Variants in KLF3 observed in about 807,000 individuals in gnomAD.
KLF3 encodes KLF transcription factor 3, also known as Krueppel-like factor 3.
A neutral mutation model predicts 32.7 loss-of-function variants in KLF3; 6 were observed. That is an observed-to-expected ratio of 0.18 (90% CI 0.10 to 0.36). KLF3 has a LOEUF of 0.36. KLF3 is among the 10% of genes least tolerant of loss of function. The pLI is 1.00. For synonymous variants in KLF3, 145 were observed against 172.8 expected, an observed-to-expected ratio of 0.84 and a Z score of 1.26; for missense variants, 338 against 449.7, an observed-to-expected ratio of 0.75 and a Z score of 2.25.
chr4:38,689,079 C>T lies in KLF3; in HGVS notation c.544+8C>T, dbSNP rs1379793020. On this transcript the variant is annotated splice_region_variant and intron_variant, in intron 3 of 5. Transcript: ENST00000261438. The stretch of plus-strand genomic sequence containing the variant: ...CCAGTAGTAGCATGCAAGGTAAATT[C>T]CGCCACTGCTCCATGCTGCTGCACT... 6.2e-7 allele frequency: 1 copy of T among 1,611,948 alleles called. No homozygotes were observed. The highest frequency in any genetic ancestry group is 8.5e-7 in the Non-Finnish European group (1 of 1,178,230).
At position 38,688,990 on chromosome 4, in the gene KLF3, T is replaced by G; in HGVS notation, c.463T>G (p.Phe155Val). 1.9e-6 allele frequency: 3 copies of G among 1,614,206 alleles called. No individual in the cohort carries two copies. Among genetic ancestry groups the G allele is most frequent in the Non-Finnish European group, 2.5e-6 (3 of 1,180,046 alleles). Residue 155 changes from phenylalanine (F) to valine (V), a missense_variant, in exon 3 of 6, where the codon TTT becomes GTT. Physicochemically the swap from Phe to Val is conservative, Grantham distance 50. Coordinates refer to ENST00000261438, the MANE Select transcript of KLF3 (RefSeq NM_016531.6). The surrounding 1 kb of genome is among the most constrained non-coding windows in gnomAD (Gnocchi z 4.9). ...IQPVVVQPVP[F>V]MYTSHLQQPL... ...GCCGGTGGTGGTGCAGCCCGTCCCC[T>G]TTATGTACACAAGTCACCTCCAGCA...
chr4:38,696,409 GTCTCCCTTCATCCTGGT>G (rs993366419), intron 5 of KLF3, among the ~76,000 whole-genome samples: 32 of 152,114 alleles, frequency 2.1e-4, no homozygotes, highest in Admixed American at 2.0e-3. Context: ...ATTTGTGAGG[GTCTCCCTTCATCCTGGT>G]TCTCCCCATC....
intron 1 of KLF3, among the ~76,000 whole-genome samples, chr4:38,669,154 GAATTAC>G (rs1722128359): frequency 6.6e-6 from 1 of 152,070 alleles, no homozygotes; most frequent in African/African-American, 2.4e-5. Context: ...AAGGTACTAG[GAATTAC>G]AATTACATTA....
intron 1 of KLF3, among the ~76,000 whole-genome samples, chr4:38,678,548 G>A (rs1173848277): frequency 6.6e-6 from 1 of 152,144 alleles, no homozygotes; most frequent in Non-Finnish European, 1.5e-5. Flanking sequence ...GCCTTATGTC[G>A]AGTTATTGAT....
intron 4 of KLF3, chr4:38,690,136 A>C: frequency 2.5e-6 from 1 of 406,378 alleles, no homozygotes; most frequent in Admixed American, 4.2e-5. Flanking sequence ...TTTGCACCTT[A>C]CCACATGAAT....
At position 38,688,542 on chromosome 4, in the gene KLF3, A is replaced by G; in HGVS notation, c.58-43A>G. 6.5e-7 allele frequency: 1 copy of G among 1,529,060 alleles called. No individual in the cohort carries two copies. The highest frequency in any genetic ancestry group is 8.8e-7 in the Non-Finnish European group (1 of 1,136,360). The allele number at this position is 1,529,060 out of a possible 1,614,324, so 94.7% of individuals were successfully genotyped here. A position where few individuals can be genotyped will look rare whatever the true frequency, so the allele number is the denominator to read the frequency against. On this transcript the variant is annotated intron_variant, in intron 2 of 5. Transcript: ENST00000261438. The surrounding 1 kb of genome is among the most constrained non-coding windows in gnomAD (Gnocchi z 4.9). ...CTTAATTCATGTTTCAAGTAAATGG[A>G]CTTATTTGGCTGTTGACACGTTTTC... is the stretch of plus-strand genomic sequence containing the variant.
intron 2 of KLF3, among the ~76,000 whole-genome samples, chr4:38,686,469 GAAA>G (rs1295376316): frequency 7.4e-6 from 1 of 135,980 alleles, no homozygotes; most frequent in Non-Finnish European, 1.6e-5. Context: ...AAAAAGAAAA[GAAA>G]ATTCTTTTTC....
chr4:38,665,971 T>C (rs991498235), intron 1 of KLF3, among the ~76,000 whole-genome samples: 3 of 152,336 alleles, frequency 2.0e-5, no homozygotes, highest in African/African-American at 7.2e-5. Flanking sequence ...ACGAGTGATT[T>C]CTTCTGGTTT....
chr4:38,693,694 A>G (rs1722955981), intron 4 of KLF3, among the ~76,000 whole-genome samples: 1 of 152,214 alleles, frequency 6.6e-6, no homozygotes, highest in Admixed American at 6.5e-5. Flanking sequence ...GTCTTTCATT[A>G]CAGTTAGAGG....
At chr4:38,670,678 C>T (rs927694704) in intron 1 of KLF3, among the ~76,000 whole-genome samples, 3 of 152,202 alleles carry the variant, frequency 2.0e-5, no homozygotes, top group African/African-American at 7.2e-5. Flanking sequence ...CTCTCCCAGG[C>T]TCCCAAAGTT....
chr4:38,693,128 ACG>A (rs1278065477), intron 4 of KLF3, among the ~76,000 whole-genome samples: 1 of 131,506 alleles, frequency 7.6e-6, no homozygotes, highest in Non-Finnish European at 1.6e-5. Flanking sequence ...ATATATATAT[ACG>A]TGTATATATA....
In KLF3 at chr4:38,675,263, C is replaced by T. The variant is rs1197742931; in HGVS notation, c.-39-5324C>T. On this transcript the variant is annotated intron_variant, in intron 1 of 5. Transcript: ENST00000261438. ...TTATTGGCCTTTCTCTGCAAAATAA[C>T]ACAGCTGGGGAAGATGGCATTTGCT... 3.3e-5 allele frequency among the ~76,000 whole-genome samples: 5 copies of T among 152,288 alleles called. No homozygotes were observed. The South Asian group carries it at 8.3e-4, about 25-fold the overall frequency.
At position 38,669,017 on chromosome 4, in the gene KLF3, C is replaced by T. The variant is rs138457502; in HGVS notation, c.-40+4556C>T. On this transcript the variant is annotated intron_variant, in intron 1 of 5. Transcript: ENST00000261438. ...CTCCATCGCCCCTTGAGATACTTGC[C>T]TTCTTAATATTTTCAAATCAACATT... Among the ~76,000 whole-genome samples the T allele has an allele frequency of 2.6e-5, 4 of 152,228 alleles. No homozygotes were observed. In the East Asian group the frequency reaches 7.7e-4, roughly 29 times the overall value.
chr4:38,669,614 C>CG (rs1722139298), intron 1 of KLF3, among the ~76,000 whole-genome samples: 1 of 151,960 alleles, frequency 6.6e-6, no homozygotes. Flanking sequence ...TGTCCTCGGC[C>CG]GGGCGCGGTG....
intron 1 of KLF3, among the ~76,000 whole-genome samples, chr4:38,665,313 C>T (rs945328305): frequency 6.6e-6 from 1 of 152,066 alleles, no homozygotes; most frequent in Non-Finnish European, 1.5e-5. Context: ...TGATGGGGAC[C>T]CAGGGACAGA....
At position 38,689,564 on chromosome 4, in the gene KLF3, G is replaced by T. The variant is rs141103831; in HGVS notation, c.545-165G>T. Among the ~76,000 whole-genome samples, 4 of 152,274 alleles carry T rather than the reference G, an allele frequency of 2.6e-5. No individual in the cohort carries two copies. In the East Asian group the frequency reaches 7.7e-4, roughly 29 times the overall value. ...ATTTGCTGCTTACTGGCAAAATAAT[G>T]GTCAGGAGAGGTGAGAATCTCCCAC... On this transcript the variant is annotated intron_variant, in intron 3 of 5. Coordinates refer to ENST00000261438, the MANE Select transcript of KLF3 (RefSeq NM_016531.6).
chr4:38,676,937 G>T (rs7669915), intron 1 of KLF3, among the ~76,000 whole-genome samples: 5 of 145,620 alleles, frequency 3.4e-5, no homozygotes, highest in African/African-American at 1.3e-4. Context: ...AGCAAATCAG[G>T]TTCTGTTAGT....
In KLF3 at chr4:38,701,452, T is replaced by C. The variant is rs13328049; in HGVS notation, c.*4189T>C. On this transcript the variant is annotated 3_prime_UTR_variant, in exon 6 of 6. Transcript: ENST00000261438. ...AGAGTAAAATATCAAGACTCTCATG[T>C]TGGGGAGTGGGGAACGAGGAACAGA... Among the ~76,000 whole-genome samples the C allele has an allele frequency of 0.29, 43,924 of 152,086 alleles. 6,530 individuals are homozygous for C. Among genetic ancestry groups the C allele is most frequent in the African/African-American group, 0.33 (13,619 of 41,476 alleles).
intron 1 of KLF3, among the ~76,000 whole-genome samples, 156 bp from the exon 2 acceptor site, chr4:38,680,431 C>G (rs1358159712): frequency 1.3e-5 from 2 of 152,060 alleles, no homozygotes; most frequent in Non-Finnish European, 2.9e-5. Context: ...CCAGGCTGGT[C>G]TTGAACTCCT....
Sources: allele counts gnomAD v4.1 joint callset (sites outside exome capture counted in the v4.1 genomes callset), GRCh38; gene constraint gnomAD v4.1.1; non-coding constraint Gnocchi (gnomAD v3.1); transcripts MANE v1.5; gene names NCBI Gene and HGNC (gene_info 2026-07-23, HGNC 2026-07-21).